The following HAT1 variants were observed in gnomAD, a reference collection of about 807,000 sequenced individuals.
HAT1 encodes the protein histone acetyltransferase 1, also known as histone acetyltransferase type B catalytic subunit.
A neutral mutation model predicts 56.6 loss-of-function variants in HAT1; 20 were observed. The observed-to-expected ratio is 0.35, with a 90% CI of 0.25 to 0.51. HAT1 has a LOEUF of 0.51. HAT1 is among the 20% of genes least tolerant of loss of function. The pLI, the probability that HAT1 is intolerant of heterozygous loss-of-function variation, is 0.95. For synonymous variants in HAT1, 146 were observed against 165.5 expected, an observed-to-expected ratio of 0.88 and a Z score of 0.91; for missense variants, 408 against 504.3, an observed-to-expected ratio of 0.81 and a Z score of 1.83.
At chr2:171,953,626 T>TAAAAAAAAAAAAAAAAAAAAAA (rs587686867) in intron 4 of HAT1, among the ~76,000 whole-genome samples, 46 of 84,602 alleles carry the variant, frequency 5.4e-4, no homozygotes, top group Admixed American at 8.2e-4. Context: ...CCCTGTCTCT[T>TAAAAAAAAAAAAAAAAAAAAAA]AAAAAAAAAA....
intron 3 of HAT1, among the ~76,000 whole-genome samples, chr2:171,951,415 A>G (rs1027471688): frequency 1.3e-5 from 2 of 151,804 alleles, no homozygotes; most frequent in African/African-American, 4.8e-5. Flanking sequence ...AGTTTTACAG[A>G]TAGTGCTTCT....
At chr2:171,939,575 A>G (rs911765084) in intron 2 of HAT1, among the ~76,000 whole-genome samples, 1 of 152,238 alleles carries the variant, frequency 6.6e-6, no homozygotes, top group Non-Finnish European at 1.5e-5. Context: ...TTAGAAAGCT[A>G]TCTCACTTCT....
At chr2:171,946,456 C>T (rs1687166891) in intron 2 of HAT1, among the ~76,000 whole-genome samples, 1 of 152,190 alleles carries the variant, frequency 6.6e-6, no homozygotes, top group South Asian at 2.1e-4. Flanking sequence ...CTCTGTCATA[C>T]TTAGCCTTCT....
At chr2:171,982,642 T>G (rs1424326874) in intron 10 of HAT1, among the ~76,000 whole-genome samples, 1 of 152,226 alleles carries the variant, frequency 6.6e-6, no homozygotes, top group Non-Finnish European at 1.5e-5. Context: ...TGTCTGGAAC[T>G]TAATAAAGAC....
Position 171,965,512 on chromosome 2 carries a change from T to C in HAT1, c.484T>C (p.Tyr162His). 1 of 1,547,746 alleles carries C rather than the reference T, an allele frequency of 6.5e-7. No individual in the cohort carries two copies. ...TGGENFTFQIYKADMTCRGFR... is the reference protein window; with the variant it reads ...TGGENFTFQIHKADMTCRGFR... ...AGGAGAAAACTTTACCTTTCAGATA[T>C]ATAAGGTAAAGATAAATCTAAATAT... The change falls in exon 5 of 11, where the codon TAT becomes CAT. Residue 162 changes from tyrosine (Y) to histidine (H), a missense_variant. Tyr to His is a moderately conservative substitution (Grantham distance 83). Coordinates refer to ENST00000264108, the MANE Select transcript of HAT1 (RefSeq NM_003642.4).
At chr2:171,963,055 A>AC (rs1687609999) in intron 4 of HAT1, among the ~76,000 whole-genome samples, 1 of 148,118 alleles carries the variant, frequency 6.8e-6, no homozygotes, top group African/African-American at 2.5e-5. Flanking sequence ...GGTAGTCAGG[A>AC]TTTTTTTTTT....
intron 2 of HAT1, among the ~76,000 whole-genome samples, chr2:171,939,645 G>C (rs932686728): frequency 2.0e-5 from 3 of 152,128 alleles, no homozygotes; most frequent in Admixed American, 2.0e-4. Context: ...ATGTGAACAG[G>C]TGTGAGGTAA....
At chr2:171,956,351 C>T (rs1687448002) in intron 4 of HAT1, among the ~76,000 whole-genome samples, 2 of 151,856 alleles carry the variant, frequency 1.3e-5, no homozygotes, top group South Asian at 2.1e-4. Flanking sequence ...CACACACACA[C>T]GCTGACACAC....
chr2:171,934,690 C>T (rs572848240), intron 2 of HAT1, among the ~76,000 whole-genome samples: 1 of 151,302 alleles, frequency 6.6e-6, no homozygotes, highest in South Asian at 2.1e-4. Context: ...AAAGTGAGGT[C>T]AGCCACGTCC....
intron 9 of HAT1, among the ~76,000 whole-genome samples, chr2:171,977,839 T>C (rs1264428243): frequency 6.6e-6 from 1 of 151,748 alleles, no homozygotes; most frequent in African/African-American, 2.4e-5. Flanking sequence ...CCTGGCCAGA[T>C]AGTACTCATT....
At chr2:171,932,149 A>G (rs573109347) in intron 2 of HAT1, among the ~76,000 whole-genome samples, 15 of 152,284 alleles carry the variant, frequency 9.9e-5, no homozygotes, top group African/African-American at 3.4e-4. Context: ...TTAGCCTTGC[A>G]TGCCAGTATA....
chr2:171,930,031 C>A (rs929811975), intron 2 of HAT1, among the ~76,000 whole-genome samples: 3 of 152,088 alleles, frequency 2.0e-5, no homozygotes, highest in Non-Finnish European at 2.9e-5. Context: ...TAACATTGAG[C>A]CTTCCAGTAT....
At position 171,983,166 on chromosome 2, in the gene HAT1, A is replaced by C. The variant is rs1312461421; in HGVS notation, c.1093-19A>C. 1.4e-6 allele frequency: 2 copies of C among 1,469,352 alleles called. No individual in the cohort carries two copies. The highest frequency in any genetic ancestry group is 2.6e-5 in the South Asian group (2 of 76,020). 91.0% of individuals were successfully genotyped at this position (1,469,352 alleles called of 1,614,324 possible). A position where few individuals can be genotyped will look rare whatever the true frequency, so the allele number is the denominator to read the frequency against. On this transcript the variant is annotated intron_variant, in intron 10 of 10. Transcript: ENST00000264108. ...TATATTTACTTTCTTCGTCTAACAA[A>C]TAATTGTTTGTCACTTAGAAAAAGC...
At chr2:171,923,027 G>T (rs1376935727) in intron 1 of HAT1, 3 of 154,154 alleles carry the variant, frequency 1.9e-5, no homozygotes, top group African/African-American at 7.2e-5. Flanking sequence ...TAGTCGTCTC[G>T]TTAATCTGTC....
At chr2:171,956,818 T>G (rs951505524) in intron 4 of HAT1, among the ~76,000 whole-genome samples, 1 of 152,182 alleles carries the variant, frequency 6.6e-6, no homozygotes, top group African/African-American at 2.4e-5. Flanking sequence ...GATACAGGAC[T>G]TGATGATTTG....
chr2:171,950,754 T>C (rs1029176392), intron 3 of HAT1, among the ~76,000 whole-genome samples: 1 of 152,156 alleles, frequency 6.6e-6, no homozygotes, highest in Non-Finnish European at 1.5e-5. Flanking sequence ...TCCACCTGCC[T>C]CAGCCTCCCA....
intron 2 of HAT1, among the ~76,000 whole-genome samples, chr2:171,940,128 CT>C (rs1241328908): frequency 6.6e-6 from 1 of 152,204 alleles, no homozygotes; most frequent in African/African-American, 2.4e-5. Context: ...ATGGCAGCCA[CT>C]TCGTCCATGC....
intron 2 of HAT1, among the ~76,000 whole-genome samples, chr2:171,933,666 A>G (rs1686798474): frequency 6.6e-6 from 1 of 152,220 alleles, no homozygotes; most frequent in African/African-American, 2.4e-5. Flanking sequence ...CCCATGAGTT[A>G]TATAGAAGAG....
intron 1 of HAT1, among the ~76,000 whole-genome samples, chr2:171,925,087 T>G (rs1283368614): frequency 1.3e-5 from 2 of 148,910 alleles, no homozygotes; most frequent in African/African-American, 5.0e-5. Flanking sequence ...TTTTTTTTTT[T>G]TTTGAGATGG....
Sources: allele counts gnomAD v4.1 joint callset (sites outside exome capture counted in the v4.1 genomes callset), GRCh38; gene constraint gnomAD v4.1.1; transcripts MANE v1.5; gene names NCBI Gene and HGNC (gene_info 2026-07-23, HGNC 2026-07-21).